MOBP: variants seen among roughly 807,000 people sequenced by gnomAD.
The protein encoded by MOBP is myelin-associated oligodendrocyte basic protein.
In MOBP, 5 loss-of-function variants were observed where a neutral mutation model predicts 15.0. The observed-to-expected ratio is 0.33, with a 90% CI of 0.17 to 0.70. MOBP has a LOEUF of 0.70. MOBP is among the 30% of genes least tolerant of loss of function. MOBP has a pLI of 0.67. For synonymous variants in MOBP, 88 were observed against 99.0 expected, an observed-to-expected ratio of 0.89 and a Z score of 0.66; for missense variants, 188 against 257.8, an observed-to-expected ratio of 0.73 and a Z score of 1.85.
chr3:39,518,776 A>T (rs1334594046), downstream of MOBP, among the ~76,000 whole-genome samples: 1 of 152,232 alleles, frequency 6.6e-6, no homozygotes, highest in Non-Finnish European at 1.5e-5. Context: ...AATCATGTTT[A>T]CATGCAGATC....
At chr3:39,503,764 G>A (rs1354156460), downstream of MOBP, among the ~76,000 whole-genome samples, 1 of 151,780 alleles carries the variant, frequency 6.6e-6, no homozygotes, top group African/African-American at 2.4e-5. Context: ...GTTAGTAGTG[G>A]GTGTTAATTG....
intron 2 of MOBP, among the ~76,000 whole-genome samples, chr3:39,487,078 C>T (rs983719975): frequency 6.7e-6 from 1 of 150,372 alleles, no homozygotes; most frequent in Non-Finnish European, 1.5e-5. Flanking sequence ...GTAGCTGGGA[C>T]TATAGGCATG....
downstream of MOBP, chr3:39,525,084 A>C (rs2043308225): frequency 6.6e-6 from 1 of 152,204 alleles, no homozygotes; most frequent in South Asian, 2.1e-4. Flanking sequence ...CAACAAAGTA[A>C]AAGGGTATCC....
chr3:39,501,562 C>G (rs1386239571), intron 2 of MOBP, among the ~76,000 whole-genome samples: 3 of 152,174 alleles, frequency 2.0e-5, no homozygotes, highest in Admixed American at 6.5e-5. Flanking sequence ...TGTCTGACTT[C>G]TTTTGTTCAA....
chr3:39,509,472 G>T (rs962489052), intron 4 of MOBP, among the ~76,000 whole-genome samples: 1 of 152,104 alleles, frequency 6.6e-6, no homozygotes, highest in Non-Finnish European at 1.5e-5. Flanking sequence ...GTGAAGTTGA[G>T]CATCTTTTAA....
chr3:39,521,031 C>A (rs573839484), intron 3 of MOBP, among the ~76,000 whole-genome samples: 1 of 152,034 alleles, frequency 6.6e-6, no homozygotes, highest in African/African-American at 2.4e-5. Flanking sequence ...ACTGCAACAA[C>A]CTCTGCCTCC....
intron 2 of MOBP, among the ~76,000 whole-genome samples, chr3:39,492,091 C>T (rs565687393): frequency 2.0e-5 from 3 of 152,234 alleles, no homozygotes; most frequent in African/African-American, 2.4e-5. Flanking sequence ...GTTCCCTACT[C>T]GTAATGCATG....
rs551862085 is a variant in MOBP at position 39,495,027 on chromosome 3, C to T, written c.-4-7039C>T. On this transcript the variant is annotated intron_variant, in intron 2 of 3. Transcript: ENST00000684792. ...ACCACCTCACAGGAAGTGGCTTCACCTGTGAAGTTGAGCTGTGGTCCAAGA... is the reference window on the plus strand; with the variant it reads ...ACCACCTCACAGGAAGTGGCTTCACTTGTGAAGTTGAGCTGTGGTCCAAGA... Among the ~76,000 whole-genome samples the T allele has an allele frequency of 1.6e-3, 237 of 152,208 alleles. 1 individual carries two copies. Among genetic ancestry groups the T allele is most frequent in the African/African-American group, 5.4e-3 (225 of 41,510 alleles).
At chr3:39,516,182 T>G (rs1335900639), downstream of MOBP, among the ~76,000 whole-genome samples, 1 of 152,212 alleles carries the variant, frequency 6.6e-6, no homozygotes, top group African/African-American at 2.4e-5. Context: ...GATGCAATTT[T>G]CTCCACTAGG....
intron 2 of MOBP, among the ~76,000 whole-genome samples, chr3:39,501,584 T>G (rs1028156091): frequency 6.6e-6 from 1 of 152,212 alleles, no homozygotes; most frequent in African/African-American, 2.4e-5. Flanking sequence ...GGTATGTCTG[T>G]GAGATCAAAA....
At chr3:39,467,946 G>C (rs2042366618) in intron 1 of MOBP, among the ~76,000 whole-genome samples, 1 of 152,134 alleles carries the variant, frequency 6.6e-6, no homozygotes, top group African/African-American at 2.4e-5. Flanking sequence ...GGGCCTCCTG[G>C]AATGTTCCTG....
At chr3:39,482,904 A>G (rs931762061) in intron 2 of MOBP, among the ~76,000 whole-genome samples, 2 of 151,962 alleles carry the variant, frequency 1.3e-5, no homozygotes, top group African/African-American at 2.4e-5. Flanking sequence ...CTTCTGTCCC[A>G]AACACTCTCG....
intron 1 of MOBP, among the ~76,000 whole-genome samples, chr3:39,477,811 G>C (rs2042564536): frequency 6.6e-6 from 1 of 151,336 alleles, no homozygotes; most frequent in African/African-American, 2.4e-5. Flanking sequence ...TAATGTGTCT[G>C]TTTGCATCTT....
chr3:39,469,303 T>C (rs1463030685), intron 1 of MOBP, among the ~76,000 whole-genome samples: 1 of 144,652 alleles, frequency 6.9e-6, no homozygotes, highest in Non-Finnish European at 1.5e-5. Context: ...TATATGTATA[T>C]ATACACATAT....
At chr3:39,512,039 A>G (rs1241266791) in intron 4 of MOBP, among the ~76,000 whole-genome samples, 2 of 152,180 alleles carry the variant, frequency 1.3e-5, no homozygotes, top group East Asian at 3.8e-4. Flanking sequence ...AGTGGATATT[A>G]TTGGAACAAT....
chr3:39,469,061 C>CATATATACATATGTGTGTGT (rs2042412315), intron 1 of MOBP, among the ~76,000 whole-genome samples: 1 of 27,280 alleles, frequency 3.7e-5, no homozygotes, highest in African/African-American at 3.8e-4. Flanking sequence ...TGTGTATATA[C>CATATATACATATGTGTGTGT]ATATATACAT....
At chr3:39,472,944 A>T (rs2042491748) in intron 1 of MOBP, among the ~76,000 whole-genome samples, 1 of 152,036 alleles carries the variant, frequency 6.6e-6, no homozygotes, top group Non-Finnish European at 1.5e-5. Flanking sequence ...TGTCTCAAAA[A>T]GGAAAAAAAA....
At chr3:39,498,425 G>A (rs9849520) in intron 2 of MOBP, among the ~76,000 whole-genome samples, 27,556 of 151,750 alleles carry the variant, frequency 0.18, 2,832 homozygotes, top group African/African-American at 0.27. Flanking sequence ...ACCTCAGCTC[G>A]CTGCAATCTC....
chr3:39,501,084 C>T (rs1469804365), intron 2 of MOBP, among the ~76,000 whole-genome samples: 1 of 152,206 alleles, frequency 6.6e-6, no homozygotes, highest in Non-Finnish European at 1.5e-5. Flanking sequence ...AAAATATCCC[C>T]TCAAAGTTAT....
Sources: gnomAD v4.1 joint callset for allele counts (sites outside exome capture counted in the v4.1 genomes callset) on GRCh38, gnomAD v4.1.1 for gene constraint, MANE v1.5 for transcripts, NCBI Gene and HGNC (gene_info 2026-07-23, HGNC 2026-07-21) for gene names.